Variants in DROSHA observed in about 807,000 individuals in gnomAD.
The protein encoded by DROSHA is drosha ribonuclease III, also known as ribonuclease 3.
A neutral mutation model predicts 181.9 loss-of-function variants in DROSHA; 56 were observed. That is an observed-to-expected ratio of 0.31 (90% CI 0.25 to 0.38). The LOEUF (loss-of-function observed/expected upper bound fraction) is 0.38, where lower values mean the gene tolerates loss of function less well. Among genes scored for constraint, DROSHA ranks in the 10% least tolerant of loss-of-function variants. DROSHA has a pLI of 1.00. For synonymous variants in DROSHA, 524 were observed against 591.2 expected, an observed-to-expected ratio of 0.89 and a Z score of 1.65; for missense variants, 1,218 against 1,743.5, an observed-to-expected ratio of 0.70 and a Z score of 5.37.
chr5:31,451,454 C>T, intron 21 of DROSHA, 79 bp downstream of exon 21: 1 of 1,193,484 alleles, frequency 8.4e-7, no homozygotes, highest in Non-Finnish European at 1.2e-6. Flanking sequence ...GATAGAGAAC[C>T]CAATGTACCA....
Position 31,401,420 on chromosome 5 carries a change from G to A in DROSHA, c.*12C>T. 6.2e-7 allele frequency: 1 copy of A among 1,609,976 alleles called. No homozygotes were observed. Among genetic ancestry groups the A allele is most frequent in the Non-Finnish European group, 8.5e-7 (1 of 1,177,346 alleles). On this transcript the variant is annotated 3_prime_UTR_variant, in exon 36 of 36. Coordinates refer to ENST00000344624, the MANE Select transcript of DROSHA (RefSeq NM_001382508.1). ...CTGAGCAAGTAAATACTCCACACTT[G>A]CATGCCCTCCTTTATTTCTTGATGT...
chr5:31,423,888 C>A (rs138703217), intron 28 of DROSHA, among the ~76,000 whole-genome samples: 325 of 152,224 alleles, frequency 2.1e-3, no homozygotes, highest in African/African-American at 7.4e-3. Flanking sequence ...ATATGTAGAG[C>A]TTTTAAATTC....
intron 20 of DROSHA, among the ~76,000 whole-genome samples, chr5:31,454,542 T>C (rs567117615): frequency 7.5e-4 from 115 of 152,320 alleles, no homozygotes; most frequent in African/African-American, 2.6e-3. Flanking sequence ...TTTGGTTTAT[T>C]TAATTTTTAA....
chr5:31,507,258 C>T (rs1222907308), intron 10 of DROSHA, among the ~76,000 whole-genome samples: 1 of 152,086 alleles, frequency 6.6e-6, no homozygotes, highest in African/African-American at 2.4e-5. Flanking sequence ...GTCGGGAGTT[C>T]GAGACCAGCC....
rs1741751751 is a variant in DROSHA, at chr5:31,414,798, C to A, written c.3526-3911G>T. ...TTTTCAATGTAAAATGTTTTGGATA[C>A]CCGTCCTGTCCACTCACTGTCCTCA... is the stretch of plus-strand genomic sequence containing the variant. On this transcript the variant is annotated intron_variant, in intron 30 of 35. Transcript: ENST00000344624. Among the ~76,000 whole-genome samples, 3 of 152,256 alleles carry A rather than the reference C, an allele frequency of 2.0e-5. No homozygotes were observed. In the South Asian group the frequency reaches 6.2e-4, roughly 32 times the overall value.
At chr5:31,421,248 G>A in intron 30 of DROSHA, 24 bp downstream of exon 30, 1 of 1,558,758 alleles carries the variant, frequency 6.4e-7, no homozygotes, top group Non-Finnish European at 8.8e-7. Context: ...AATCTTATTG[G>A]AGGAAGTGAT....
At chr5:31,520,263 C>T (rs1358144254) in intron 6 of DROSHA, among the ~76,000 whole-genome samples, 1 of 152,132 alleles carries the variant, frequency 6.6e-6, no homozygotes, top group Non-Finnish European at 1.5e-5. Flanking sequence ...TGTAACAATA[C>T]ACTTTCTCAA....
rs1014491371 is a variant in DROSHA, at chr5:31,400,995, G to C, written c.*437C>G. ...GATGAACAGCCACCGGATGAAAGCT[G>C]AACAATCTACTTAAAAATCCAGAGA... On this transcript the variant is annotated 3_prime_UTR_variant, in exon 36 of 36. Transcript: ENST00000344624. The C allele has an allele frequency of 1.6e-5, 3 of 183,704 alleles. No homozygotes were observed. The highest frequency in any genetic ancestry group is 7.2e-5 in the African/African-American group (3 of 41,874). 11.4% of individuals were successfully genotyped at this position (183,704 alleles called of 1,614,324 possible).
chr5:31,432,010 C>A (rs975697582), intron 25 of DROSHA, among the ~76,000 whole-genome samples: 1 of 152,082 alleles, frequency 6.6e-6, no homozygotes, highest in East Asian at 1.9e-4. Flanking sequence ...CTGCTACAAG[C>A]CCCTGGGTTC....
intron 23 of DROSHA, among the ~76,000 whole-genome samples, chr5:31,445,512 C>T (rs1022116789): frequency 2.1e-4 from 32 of 152,262 alleles, no homozygotes; most frequent in Admixed American, 9.2e-4. Flanking sequence ...AAGAAAACTA[C>T]AAACAAGTAT....
chr5:31,506,981 T>C (rs1738048413), intron 10 of DROSHA, among the ~76,000 whole-genome samples: 1 of 152,080 alleles, frequency 6.6e-6, no homozygotes, highest in Non-Finnish European at 1.5e-5. Context: ...CGGAAATCAG[T>C]GTAGAGGCTT....
chr5:31,466,700 A>C (rs1017150983), intron 18 of DROSHA, among the ~76,000 whole-genome samples: 1 of 152,210 alleles, frequency 6.6e-6, no homozygotes, highest in Non-Finnish European at 1.5e-5. Context: ...CAGTTGCTGA[A>C]CTACTTATAC....
chr5:31,488,900 G>T (rs988118466), intron 13 of DROSHA: 1 of 152,228 alleles, frequency 6.6e-6, no homozygotes, highest in African/African-American at 2.4e-5. Flanking sequence ...GAAGAGTGAA[G>T]AAAGAATTGA....
chr5:31,478,274 A>G (rs903908591), intron 16 of DROSHA, among the ~76,000 whole-genome samples: 13 of 152,344 alleles, frequency 8.5e-5, no homozygotes, highest in African/African-American at 2.6e-4. Context: ...CACATAAAAT[A>G]CACTGACACT....
intron 20 of DROSHA, among the ~76,000 whole-genome samples, chr5:31,456,463 T>TAAAC (rs1747667309): frequency 1.4e-5 from 2 of 146,536 alleles, no homozygotes; most frequent in South Asian, 4.5e-4. Flanking sequence ...GACAACAAGA[T>TAAAC]ACACACACAC....
chr5:31,468,693 T>C (rs1749399237), intron 17 of DROSHA, among the ~76,000 whole-genome samples: 2 of 152,196 alleles, frequency 1.3e-5, no homozygotes, highest in African/African-American at 4.8e-5. Flanking sequence ...GGCTTTCATC[T>C]TGAAAGCTTA....
rs1201012759 is a variant in DROSHA at position 31,447,040 on chromosome 5, G to GA, written c.2882+1506dup. Among the ~76,000 whole-genome samples the GA allele has an allele frequency of 3.4e-3, 509 of 148,186 alleles. 1 individual carries two copies. Among genetic ancestry groups the GA allele is most frequent in the African/African-American group, 0.012 (482 of 40,516 alleles). On this transcript the variant is annotated intron_variant, in intron 23 of 35. Coordinates refer to ENST00000344624, the MANE Select transcript of DROSHA (RefSeq NM_001382508.1). ...GGGCAGCAGAATGAGATACTGTCTCGAAAAAAAAAATGTGGTACTTACACA... is the reference window on the plus strand; with the variant it reads ...GGGCAGCAGAATGAGATACTGTCTCGAAAAAAAAAAATGTGGTACTTACACA...
chr5:31,417,635 G>A (rs922146814), intron 30 of DROSHA, among the ~76,000 whole-genome samples: 1 of 152,168 alleles, frequency 6.6e-6, no homozygotes, highest in Admixed American at 6.6e-5. Flanking sequence ...GTGTAAAGAT[G>A]TATTCAAAGC....
chr5:31,468,853 T>C (rs897112118), intron 17 of DROSHA, among the ~76,000 whole-genome samples: 5 of 152,170 alleles, frequency 3.3e-5, no homozygotes, highest in Non-Finnish European at 5.9e-5. Context: ...GCTAAGGCTG[T>C]TAAAACTGAT....
Sources: allele counts gnomAD v4.1 joint callset (sites outside exome capture counted in the v4.1 genomes callset), GRCh38; gene constraint gnomAD v4.1.1; transcripts MANE v1.5; gene names NCBI Gene and HGNC (gene_info 2026-07-23, HGNC 2026-07-21).